The following CHSY1 variants were observed in gnomAD, a reference collection of about 807,000 sequenced individuals.
The protein encoded by CHSY1 is chondroitin sulfate synthase 1.
CHSY1 carries 13 observed loss-of-function variants against 59.8 expected under a neutral mutation model. The observed-to-expected ratio is 0.22, with a 90% CI of 0.14 to 0.35. The LOEUF is 0.35. CHSY1 is among the 10% of genes least tolerant of loss of function. CHSY1 has a pLI of 1.00. For synonymous variants in CHSY1, 459 were observed against 401.2 expected (o/e 1.14, Z -1.72); for missense variants, 947 against 1,030.6 (o/e 0.92, Z 1.11).
chr15:101,180,533 A>AC (rs2038263127), intron 2 of CHSY1, among the ~76,000 whole-genome samples: 1 of 151,894 alleles, frequency 6.6e-6, no homozygotes, highest in South Asian at 2.1e-4. Flanking sequence ...TCCGACTCTG[A>AC]CCCCCATGCA....
intron 2 of CHSY1, among the ~76,000 whole-genome samples, chr15:101,234,789 C>T (rs952365454): frequency 2.0e-5 from 3 of 152,232 alleles, no homozygotes; most frequent in South Asian, 2.1e-4. Context: ...ATTGCTTGAA[C>T]CCAGGAGGCG....
At chr15:101,249,508 G>C (rs936397686) in intron 1 of CHSY1, among the ~76,000 whole-genome samples, 4 of 114,004 alleles carry the variant, frequency 3.5e-5, no homozygotes, top group Non-Finnish European at 5.0e-5. Flanking sequence ...TCGATAGATA[G>C]AATTTTTTTT....
intron 2 of CHSY1, among the ~76,000 whole-genome samples, chr15:101,221,349 C>T (rs985637329): frequency 1.5e-4 from 23 of 152,122 alleles, no homozygotes; most frequent in Non-Finnish European, 2.9e-4. Flanking sequence ...AACAATTAGC[C>T]AGGTGTGCTG....
chr15:101,205,538 G>A (rs2038615951), intron 2 of CHSY1, among the ~76,000 whole-genome samples: 1 of 152,188 alleles, frequency 6.6e-6, no homozygotes, highest in African/African-American at 2.4e-5. Flanking sequence ...AACCTGAAGA[G>A]TACTGTGATC....
rs1424965086 is a variant in CHSY1 at position 101,196,241 on chromosome 15, A to AT, written c.817-17262_817-17261insA. Among the ~76,000 whole-genome samples the AT allele has an allele frequency of 6.6e-5, 10 of 152,162 alleles. 1 individual carries two copies. The East Asian group carries it at 1.9e-3, about 29-fold the overall frequency. On this transcript the variant is annotated intron_variant, in intron 2 of 2. Coordinates refer to ENST00000254190, the MANE Select transcript of CHSY1 (RefSeq NM_014918.5). ...CGAGAAGCAGTCTCAAAAAAAAAAA[A>AT]AAAAACATATATGTAAAATAAGCAT... is the stretch of plus-strand genomic sequence containing the variant.
At chr15:101,195,868 A>C (rs1277243679) in intron 2 of CHSY1, among the ~76,000 whole-genome samples, 1 of 151,684 alleles carries the variant, frequency 6.6e-6, no homozygotes, top group African/African-American at 2.4e-5. Flanking sequence ...AGGTAATTGC[A>C]GGAGAGACTA....
At chr15:101,217,362 T>A (rs2038744626) in intron 2 of CHSY1, among the ~76,000 whole-genome samples, 1 of 152,234 alleles carries the variant, frequency 6.6e-6, no homozygotes, top group African/African-American at 2.4e-5. Flanking sequence ...ATTATGTGTA[T>A]ACACATGGGT....
At chr15:101,244,274 A>C (rs993289784) in intron 1 of CHSY1, among the ~76,000 whole-genome samples, 1 of 152,190 alleles carries the variant, frequency 6.6e-6, no homozygotes, top group African/African-American at 2.4e-5. Flanking sequence ...CCCTGCACTG[A>C]AAATGCTGCC....
At chr15:101,239,515 G>A (rs1376408414) in intron 1 of CHSY1, among the ~76,000 whole-genome samples, 3 of 152,340 alleles carry the variant, frequency 2.0e-5, no homozygotes, top group Admixed American at 6.5e-5. Flanking sequence ...CTGTAAACGG[G>A]GGTTGTTGTG....
intron 2 of CHSY1, among the ~76,000 whole-genome samples, chr15:101,213,690 T>C (rs1015507657): frequency 2.6e-5 from 4 of 152,194 alleles, no homozygotes; most frequent in African/African-American, 9.7e-5. Flanking sequence ...TCACTCAAAC[T>C]ATTCCAAAAC....
chr15:101,203,806 A>G (rs1172014040), intron 2 of CHSY1, among the ~76,000 whole-genome samples: 13 of 152,204 alleles, frequency 8.5e-5, no homozygotes, highest in Admixed American at 8.5e-4. Context: ...ACTCATCTGT[A>G]CTTTTCAACA....
At chr15:101,237,298 C>G (rs895730887) in intron 1 of CHSY1, among the ~76,000 whole-genome samples, 3 of 150,628 alleles carry the variant, frequency 2.0e-5, no homozygotes, top group Non-Finnish European at 4.4e-5. Context: ...ATGCAGGCCT[C>G]TATGTTGCAA....
chr15:101,186,259 G>A (rs1292424046), intron 2 of CHSY1, among the ~76,000 whole-genome samples: 1 of 151,606 alleles, frequency 6.6e-6, no homozygotes, highest in African/African-American at 2.4e-5. Flanking sequence ...GGCGGAGGTT[G>A]CAGTGAGCCG....
chr15:101,234,969 C>T, intron 2 of CHSY1, 113 bp downstream of exon 2: 2 of 1,376,418 alleles, frequency 1.5e-6, no homozygotes, highest in African/African-American at 2.8e-5. Flanking sequence ...TAGAATAATA[C>T]CAACTTCAAC....
chr15:101,188,193 G>C, intron 2 of CHSY1: 1 of 985,436 alleles, frequency 1.0e-6, no homozygotes, highest in Non-Finnish European at 1.2e-6. Flanking sequence ...GTTCATTACA[G>C]AGAAGTGGTT....
At chr15:101,237,366 T>G (rs1000447901) in intron 1 of CHSY1, among the ~76,000 whole-genome samples, 1 of 151,824 alleles carries the variant, frequency 6.6e-6, no homozygotes, top group African/African-American at 2.4e-5. Flanking sequence ...GGCCCACACA[T>G]TTTGAACTCC....
chr15:101,212,772 C>CA (rs2141261755), intron 2 of CHSY1, among the ~76,000 whole-genome samples: 1 of 152,240 alleles, frequency 6.6e-6, no homozygotes, highest in African/African-American at 2.4e-5. Flanking sequence ...AAAAGAATAG[C>CA]AAACTGTAAG....
chr15:101,222,435 A>C (rs746665560), intron 2 of CHSY1, among the ~76,000 whole-genome samples: 1 of 152,162 alleles, frequency 6.6e-6, no homozygotes. Flanking sequence ...TTAACATCCC[A>C]CTTGACTATG....
chr15:101,220,276 A>G (rs1236739128), intron 2 of CHSY1, among the ~76,000 whole-genome samples: 1 of 152,028 alleles, frequency 6.6e-6, no homozygotes, highest in Non-Finnish European at 1.5e-5. Context: ...AACCCACTGG[A>G]GCCTCAAGGC....
Sources: gnomAD v4.1 joint callset for allele counts (sites outside exome capture counted in the v4.1 genomes callset) on GRCh38, gnomAD v4.1.1 for gene constraint, MANE v1.5 for transcripts, NCBI Gene and HGNC (gene_info 2026-07-23, HGNC 2026-07-21) for gene names.